RASA3: variants seen among roughly 807,000 people sequenced by gnomAD.
RASA3 encodes RAS p21 protein activator 3, also known as ras GTPase-activating protein 3.
Under a neutral mutation model 110.0 loss-of-function variants are expected in RASA3, and 73 were observed. The ratio of observed to expected loss-of-function variants is 0.66; its 90% confidence interval spans 0.55 to 0.81. The LOEUF (loss-of-function observed/expected upper bound fraction) is 0.81, where lower values mean the gene tolerates loss of function less well. RASA3 is among the 30% of genes least tolerant of loss of function. The pLI is 0.00. For missense variants in RASA3, 976 were observed against 1,113.2 expected, an observed-to-expected ratio of 0.88 and a Z score of 1.75; for synonymous variants, 500 against 451.4, an observed-to-expected ratio of 1.11 and a Z score of -1.37.
At chr13:114,092,104 CT>C (rs554131071) in intron 1 of RASA3, among the ~76,000 whole-genome samples, 19 of 150,206 alleles carry the variant, frequency 1.3e-4, no homozygotes, top group African/African-American at 4.6e-4. Flanking sequence ...TCAATTTTAT[CT>C]TTTCAAAAAA....
At position 114,103,187 on chromosome 13, in the gene RASA3, T is replaced by C. The variant is rs117057184; in HGVS notation, c.55+29248A>G. Among the ~76,000 whole-genome samples, 544 of 151,654 alleles carry C rather than the reference T, an allele frequency of 3.6e-3. 2 individuals carry two copies. The highest frequency in any genetic ancestry group is 6.4e-3 in the Non-Finnish European group (431 of 67,872). On this transcript the variant is annotated intron_variant, in intron 1 of 23. Coordinates refer to ENST00000334062, the MANE Select transcript of RASA3 (RefSeq NM_007368.4). Reference sequence around the variant, plus strand: ...CTGTGCTTCAAGGAGACCTAGAGGGTCTCCCCCAAGTCCACCGGAAATGTG... The same window carrying C: ...CTGTGCTTCAAGGAGACCTAGAGGGCCTCCCCCAAGTCCACCGGAAATGTG...
At chr13:114,069,035 G>C (rs562059624) in intron 2 of RASA3, among the ~76,000 whole-genome samples, 1 of 152,150 alleles carries the variant, frequency 6.6e-6, no homozygotes, top group East Asian at 1.9e-4. Flanking sequence ...CCAGGGCCTC[G>C]GACGCGCGGC....
At chr13:114,022,355 C>T (rs1012610651) in intron 8 of RASA3, among the ~76,000 whole-genome samples, 1 of 152,218 alleles carries the variant, frequency 6.6e-6, no homozygotes, top group African/African-American at 2.4e-5. Flanking sequence ...GTAACCCAGT[C>T]CCTCATGGCC....
intron 1 of RASA3, among the ~76,000 whole-genome samples, chr13:114,074,801 G>A (rs957048304): frequency 3.0e-4 from 45 of 152,232 alleles, no homozygotes; most frequent in African/African-American, 1.0e-3. Context: ...TTTGCCAGGG[G>A]TCAGTCTGGA....
At chr13:114,117,738 A>AGCACATGTGTGAGGGGT (rs2080310599) in intron 1 of RASA3, among the ~76,000 whole-genome samples, 1 of 86,786 alleles carries the variant, frequency 1.2e-5, no homozygotes, top group Non-Finnish European at 2.3e-5. Flanking sequence ...GTGTGAGGAG[A>AGCACATGTGTGAGGGGT]GCACGTGTGT....
chr13:114,003,206 C>T (rs1209513839), intron 18 of RASA3, among the ~76,000 whole-genome samples: 1 of 152,194 alleles, frequency 6.6e-6, no homozygotes, highest in African/African-American at 2.4e-5. Context: ...GCTGGAAACT[C>T]GAGGGCCTGA....
chr13:114,113,048 C>A (rs1372787490), intron 1 of RASA3, among the ~76,000 whole-genome samples: 1 of 152,162 alleles, frequency 6.6e-6, no homozygotes, highest in Admixed American at 6.5e-5. Context: ...GCACGGGAAG[C>A]CTTTCCCGAC....
In RASA3 at chr13:114,060,483, C is replaced by T. The variant is rs186392749; in HGVS notation, c.174-8328G>A. Among the ~76,000 whole-genome samples, 230 of 152,348 alleles carry T rather than the reference C, an allele frequency of 1.5e-3. 2 individuals carry two copies. The highest frequency in any genetic ancestry group is 5.1e-3 in the African/African-American group (212 of 41,592). Reference sequence around the variant, plus strand: ...CTTTCTGCAAGCAAGGTGCAGCGGTCAGCCCGAGAGGCCACGGTGCCGAGC... The same window carrying T: ...CTTTCTGCAAGCAAGGTGCAGCGGTTAGCCCGAGAGGCCACGGTGCCGAGC... On this transcript the variant is annotated intron_variant, in intron 2 of 23. Coordinates refer to ENST00000334062, the MANE Select transcript of RASA3 (RefSeq NM_007368.4).
At chr13:113,996,050 G>C (rs1332826720) in intron 21 of RASA3, among the ~76,000 whole-genome samples, 1 of 62,154 alleles carries the variant, frequency 1.6e-5, no homozygotes, top group African/African-American at 9.0e-5. Flanking sequence ...CCGGCTGATG[G>C]GGGGGCCCGG....
chr13:113,995,580 G>A (rs888595835), intron 21 of RASA3, among the ~76,000 whole-genome samples: 13 of 152,180 alleles, frequency 8.5e-5, no homozygotes, highest in Admixed American at 3.3e-4. Context: ...AAGCCTCTGT[G>A]CAACTGCCAG....
rs1451387224 is a variant in RASA3, at chr13:114,096,207, G to A, written c.56-22370C>T. Among the ~76,000 whole-genome samples, 1 of 152,186 alleles carries A rather than the reference G, an allele frequency of 6.6e-6. No individual in the cohort carries two copies. The highest frequency in any genetic ancestry group is 1.5e-5 in the Non-Finnish European group (1 of 68,030). The stretch of plus-strand genomic sequence containing the variant: ...CCTGGCGGCATCGGTGTGCTGGGAA[G>A]GGAGTGCGCAGGCCCACCCCGGCGT... On this transcript the variant is annotated intron_variant, in intron 1 of 23. Transcript: ENST00000334062. The surrounding 1 kb of genome is among the most constrained non-coding windows in gnomAD (Gnocchi z 5.1).
chr13:114,079,092 G>A (rs2079739271), intron 1 of RASA3, among the ~76,000 whole-genome samples: 1 of 152,246 alleles, frequency 6.6e-6, no homozygotes, highest in South Asian at 2.1e-4. Context: ...GCGGAGGAAG[G>A]AATGAAGGCA....
intron 1 of RASA3, among the ~76,000 whole-genome samples, chr13:114,126,179 C>T (rs1187679821): frequency 2.0e-5 from 3 of 146,968 alleles, no homozygotes; most frequent in Non-Finnish European, 4.5e-5. Context: ...TGTCCAACCT[C>T]GCACCCTCCA....
chr13:114,114,573 AACAGCATATTCTCGTCTGG>A lies in RASA3; in HGVS notation c.55+17843_55+17861del, dbSNP rs541702929. ...ACCCTCATTTTACCTTTACTTAAAT[AACAGCATATTCTCGTCTGG>A]TCTTTAAACCACACAGGCCAAAATG... On this transcript the variant is annotated intron_variant, in intron 1 of 23. Transcript: ENST00000334062. The surrounding 1 kb of genome is among the most constrained non-coding windows in gnomAD (Gnocchi z 4.8). Among the ~76,000 whole-genome samples, 320 of 152,346 alleles carry A rather than the reference AACAGCATATTCTCGTCTGG, an allele frequency of 2.1e-3. 5 individuals are homozygous for A. The East Asian group carries it at 0.043, about 21-fold the overall frequency.
rs373566269 is a variant in RASA3 at position 114,009,444 on chromosome 13, G to A, written c.1611C>T (p.Tyr537=). The A allele has an allele frequency of 1.2e-5, 19 of 1,611,742 alleles. No homozygotes were observed. Among genetic ancestry groups the A allele is most frequent in the Non-Finnish European group, 1.4e-5 (16 of 1,178,970 alleles). ...TGAAGAATTCATAAAATGTAGCCAT[G>A]TAGGACTCCTTAAAACTCGCCTAAA... ...KSKSASFKES[Y]MATFYEFFNE... is the part of the protein sequence containing the mutation. Residue 537 remains tyrosine, a synonymous_variant, in exon 17 of 24, where the codon TAC becomes TAT. Transcript: ENST00000334062.
intron 1 of RASA3, among the ~76,000 whole-genome samples, chr13:114,090,098 G>A (rs932412847): frequency 2.6e-5 from 4 of 152,182 alleles, no homozygotes; most frequent in Non-Finnish European, 4.4e-5. Flanking sequence ...GAATGGTGCC[G>A]CTGTGAAGTG....
chr13:114,002,386 G>T (rs1416883560), intron 18 of RASA3, among the ~76,000 whole-genome samples: 2 of 152,090 alleles, frequency 1.3e-5, no homozygotes, highest in African/African-American at 4.8e-5. Flanking sequence ...AGTGGATGCC[G>T]AACGCCGTTC....
chr13:114,071,690 G>C (rs547072310), intron 2 of RASA3, among the ~76,000 whole-genome samples: 1 of 152,270 alleles, frequency 6.6e-6, no homozygotes, highest in Admixed American at 6.5e-5. Context: ...AAAGAACCCG[G>C]AGCGTGCATT....
intron 1 of RASA3, among the ~76,000 whole-genome samples, chr13:114,093,841 C>T (rs1182002616): frequency 6.6e-6 from 1 of 151,904 alleles, no homozygotes; most frequent in Non-Finnish European, 1.5e-5. Context: ...TACTAATGCT[C>T]TCTCTTTCAT....
Sources: gnomAD v4.1 joint callset for allele counts (sites outside exome capture counted in the v4.1 genomes callset) on GRCh38, gnomAD v4.1.1 for gene constraint, Gnocchi (gnomAD v3.1) non-coding constraint, MANE v1.5 for transcripts, NCBI Gene and HGNC (gene_info 2026-07-23, HGNC 2026-07-21) for gene names.